VIRMA: variants seen among roughly 807,000 people sequenced by gnomAD.
VIRMA encodes the protein protein virilizer homolog.
In VIRMA, 65 loss-of-function variants were observed where a neutral mutation model predicts 182.4. The ratio of observed to expected loss-of-function variants is 0.36; its 90% CI spans 0.29 to 0.44. VIRMA has a LOEUF of 0.44. Among genes scored for constraint, VIRMA ranks in the 20% least tolerant of loss-of-function variants. VIRMA has a pLI of 1.00. For synonymous variants in VIRMA, 709 were observed against 743.1 expected, an observed-to-expected ratio of 0.95 and a Z score of 0.75; for missense variants, 1,752 against 2,158.1, an observed-to-expected ratio of 0.81 and a Z score of 3.73.
At position 94,499,377 on chromosome 8, in the gene VIRMA, T is replaced by G. The variant is rs773021496; in HGVS notation, c.4227A>C (p.Thr1409=). ...ACACAAACACACACATACTTACAAT[T>G]GTGTCAGAGTTAAGAATTTGTCTCA... The part of the protein sequence containing the change: ...EFMRQILNSD[T]IGCCGDDNGL... Residue 1409 remains threonine (T), a synonymous_variant, in exon 17 of 24, where the codon ACA becomes ACC. Coordinates refer to ENST00000297591, the MANE Select transcript of VIRMA (RefSeq NM_015496.5). 3.2e-6 allele frequency: 5 copies of G among 1,557,780 alleles called. No individual in the cohort carries two copies. In the East Asian group the frequency reaches 1.2e-4, roughly 36 times the overall value.
intron 11 of VIRMA, among the ~76,000 whole-genome samples, chr8:94,512,682 T>C (rs990690993): frequency 2.6e-5 from 4 of 151,896 alleles, no homozygotes; most frequent in African/African-American, 7.3e-5. Context: ...GAGGCTGAGG[T>C]GGAAGGATCA....
chr8:94,532,616 G>C (rs1815207865), intron 5 of VIRMA, among the ~76,000 whole-genome samples: 1 of 152,186 alleles, frequency 6.6e-6, no homozygotes, highest in African/African-American at 2.4e-5. Flanking sequence ...AGAGTGCACA[G>C]GACTTCCCTG....
chr8:94,494,875 A>T lies in VIRMA; in HGVS notation c.4626T>A (p.Asp1542Glu). The change falls in exon 20 of 24, where the codon GAT (aspartate) becomes GAA (glutamate). Residue 1542 changes from aspartate to glutamate, a missense_variant. Asp to Glu is a conservative substitution (Grantham distance 45, BLOSUM62 2). Around this residue, in one of 11 missense-constraint regions of VIRMA, gnomAD observed 777 missense variants for 920.6 expected, o/e 0.84. Coordinates refer to ENST00000297591, the MANE Select transcript of VIRMA (RefSeq NM_015496.5). ...WFTPFQAEEI[D>E]TDLDLVKVDL... ...TAATTTATACCAAATCCAGATCTGT[A>T]TCTATCTCTTCAGCCTGAAATGGAG... 1 of 1,583,262 alleles carries T rather than the reference A, an allele frequency of 6.3e-7. No homozygotes were observed. Among genetic ancestry groups the T allele is most frequent in the Non-Finnish European group, 8.7e-7 (1 of 1,154,028 alleles).
rs185179367 is a variant in VIRMA, at chr8:94,526,473, C to G, written c.1771G>C (p.Asp591His). Residue 591 changes from aspartate (D) to histidine (H), a missense_variant, in exon 8 of 24, where the codon GAT (aspartate) becomes CAT (histidine). Asp to His is a moderately conservative substitution (Grantham distance 81). Transcript: ENST00000297591. ...GGGTTTGTTCTCTCAAGTCCAGCAT[C>G]TGTGTCGTGATCAGGTTCACTGTGG... is the stretch of plus-strand genomic sequence containing the variant. ...PNHSEPDHDT[D>H]AGLERTNPEY... The G allele has an allele frequency of 1.9e-6, 3 of 1,613,990 alleles. No homozygotes were observed. The African/African-American group carries it at 4.0e-5, about 22-fold the overall frequency.
chr8:94,515,476 ATCC>A (rs1814531596), intron 10 of VIRMA, among the ~76,000 whole-genome samples: 2 of 151,884 alleles, frequency 1.3e-5, no homozygotes, highest in Admixed American at 6.6e-5. Flanking sequence ...AACTCAATCA[ATCC>A]TCCTGCTTCA....
intron 16 of VIRMA, among the ~76,000 whole-genome samples, chr8:94,504,490 G>A (rs778510341): frequency 3.3e-5 from 5 of 152,158 alleles, no homozygotes; most frequent in Non-Finnish European, 7.3e-5. Context: ...ATCCTGGTGA[G>A]CCTTACAGAT....
chr8:94,537,298 T>C, intron 3 of VIRMA, 147 bp from the exon 4 acceptor site: 1 of 658,794 alleles, frequency 1.5e-6, no homozygotes, highest in Non-Finnish European at 2.7e-6. Context: ...GAGTTTAATG[T>C]ATTGTCCCCA....
intron 2 of VIRMA, among the ~76,000 whole-genome samples, chr8:94,538,820 G>A (rs1458136318): frequency 6.6e-6 from 1 of 152,082 alleles, no homozygotes; most frequent in Non-Finnish European, 1.5e-5. Flanking sequence ...CGCTATGTTA[G>A]CCAGGCTGGT....
intron 13 of VIRMA, 142 bp from the exon 14 acceptor site, chr8:94,510,794 C>T (rs556038519): frequency 3.5e-5 from 27 of 771,382 alleles, no homozygotes; most frequent in Middle Eastern, 3.9e-4. Flanking sequence ...TACAGTTAAA[C>T]ATTTGCTTGA....
Position 94,488,647 on chromosome 8 carries a change from T to C in VIRMA, c.*59A>G. ...AAGTCTAAATTGGTCCTTCAATGTC[T>C]TATTTTTATTGTCCTCGTGAAATGT... On this transcript the variant is annotated 3_prime_UTR_variant, in exon 24 of 24. Transcript: ENST00000297591. 1 of 1,537,478 alleles carries C rather than the reference T, an allele frequency of 6.5e-7. No homozygotes were observed. The highest frequency in any genetic ancestry group is 8.9e-7 in the Non-Finnish European group (1 of 1,124,204).
rs187769323 is a variant in VIRMA at position 94,541,636 on chromosome 8, G to A, written c.179+2191C>T. ...AGATCACTGCAACCTCCACCCCCCA[G>A]GTTCAGGCGATTCTCCTGCCTCAGC... is the stretch of plus-strand genomic sequence containing the variant. On this transcript the variant is annotated intron_variant, in intron 2 of 23. Transcript: ENST00000297591. 9.7e-4 allele frequency among the ~76,000 whole-genome samples: 147 copies of A among 152,088 alleles called. 1 individual carries two copies. Among genetic ancestry groups the A allele is most frequent in the African/African-American group, 3.4e-3 (142 of 41,520 alleles).
chr8:94,546,005 C>G (rs1815746401), intron 1 of VIRMA, among the ~76,000 whole-genome samples: 1 of 143,812 alleles, frequency 7.0e-6, no homozygotes, highest in Non-Finnish European at 1.5e-5. Flanking sequence ...TGCAGTGAGT[C>G]GTGATGGCAC....
In VIRMA at chr8:94,492,701, T is replaced by C. The variant is rs1362011035; in HGVS notation, c.4759A>G (p.Lys1587Glu). The C allele has an allele frequency of 6.2e-7, 1 of 1,614,112 alleles. No individual in the cohort carries two copies. The change falls in exon 21 of 24, where the codon AAA becomes GAA. Residue 1587 changes from lysine (K) to glutamate (E), a missense_variant. Transcript: ENST00000297591. Reference protein sequence around the residue: ...PSSPGRTKTTKGFKLGKHKHE... With the variant: ...PSSPGRTKTTEGFKLGKHKHE... ...TTGTGCTTCCCAAGTTTGAATCCTT[T>C]AGTAGTCTTGGTTCTTCCTGGAGAT...
chr8:94,499,904 C>CG (rs1813907887), intron 16 of VIRMA, among the ~76,000 whole-genome samples: 1 of 151,368 alleles, frequency 6.6e-6, no homozygotes, highest in Non-Finnish European at 1.5e-5. Context: ...CAAAAATTAA[C>CG]GGGGGGTGGC....
intron 20 of VIRMA, among the ~76,000 whole-genome samples, chr8:94,493,617 G>A (rs961429076): frequency 6.6e-6 from 1 of 152,134 alleles, no homozygotes; most frequent in Non-Finnish European, 1.5e-5. Flanking sequence ...TACTGGAGAG[G>A]ACAGTTTTAA....
At chr8:94,492,605 T>A (rs1282526521) in intron 21 of VIRMA, 47 bp downstream of exon 21, 1 of 1,530,874 alleles carries the variant, frequency 6.5e-7, no homozygotes. Context: ...CTAAAATACA[T>A]AAGCTTATGT....
At chr8:94,546,251 G>A (rs1267556742) in intron 1 of VIRMA, among the ~76,000 whole-genome samples, 2 of 150,918 alleles carry the variant, frequency 1.3e-5, no homozygotes, top group Non-Finnish European at 2.9e-5. Context: ...CTGAGCCCCA[G>A]GCTACTATAT....
chr8:94,509,800 T>G lies in VIRMA; in HGVS notation c.3767A>C (p.Tyr1256Ser), dbSNP rs925791791. Reference sequence around the variant, plus strand: ...TAAAAGATCCTGGAATATCTCTGCATATCTTTCATCACCTTTAATAGTTCC... The same window carrying G: ...TAAAAGATCCTGGAATATCTCTGCAGATCTTTCATCACCTTTAATAGTTCC... ...INGTIKGDER[Y>S]AEIFQDLLAL... The change falls in exon 15 of 24, where the codon TAT (tyrosine) becomes TCT (serine). Residue 1256 changes from tyrosine (Y) to serine (S), a missense_variant. Physicochemically the swap from Tyr to Ser is moderately radical, Grantham distance 144. This residue lies in a region of VIRMA where 777 missense variants were observed against 920.6 expected (regional missense o/e 0.84). Coordinates refer to ENST00000297591, the MANE Select transcript of VIRMA (RefSeq NM_015496.5). The G allele has an allele frequency of 1.2e-6, 2 of 1,614,126 alleles. No individual in the cohort carries two copies. The highest frequency in any genetic ancestry group is 1.7e-6 in the Non-Finnish European group (2 of 1,179,976).
intron 2 of VIRMA, among the ~76,000 whole-genome samples, chr8:94,538,746 G>T (rs1815431169): frequency 6.6e-6 from 1 of 151,988 alleles, no homozygotes. Flanking sequence ...TGAGCAGCTG[G>T]GATTACAGGC....
Sources: allele counts gnomAD v4.1 joint callset (sites outside exome capture counted in the v4.1 genomes callset), GRCh38; gene constraint gnomAD v4.1.1; regional missense constraint gnomAD v4.1.1; transcripts MANE v1.5; gene names NCBI Gene and HGNC (gene_info 2026-07-23, HGNC 2026-07-21).